Variants in CLNK observed in about 807,000 individuals in gnomAD.
CLNK encodes cytokine-dependent hematopoietic cell linker.
CLNK carries 74 observed loss-of-function variants against 68.6 expected under a neutral mutation model. The ratio of observed to expected loss-of-function variants is 1.08; its 90% CI spans 0.89 to 1.31. The LOEUF is 1.31. Ranked by LOEUF, CLNK falls within the 50% of genes most tolerant of loss-of-function variation. CLNK has a pLI of 0.00. For missense variants in CLNK, 553 were observed against 515.3 expected, an observed-to-expected ratio of 1.07 and a Z score of -0.71; for synonymous variants, 198 against 172.2, an observed-to-expected ratio of 1.15 and a Z score of -1.17.
At chr4:10,553,642 C>T (rs1719553086) in intron 8 of CLNK, among the ~76,000 whole-genome samples, 1 of 152,010 alleles carries the variant, frequency 6.6e-6, no homozygotes, top group South Asian at 2.1e-4. Context: ...TTAGTAGAGA[C>T]AGGGTGTCAC....
the CLNK span, among the ~76,000 whole-genome samples, chr4:10,712,359 A>G: frequency 2.0e-5 from 3 of 151,416 alleles, no homozygotes; most frequent in African/African-American, 7.4e-5. Flanking sequence ...AAAGATTATA[A>G]CAATAACAAT....
In CLNK at chr4:10,648,188, C is replaced by T. The variant is rs143050210; in HGVS notation, c.11+19671G>A. On this transcript the variant is annotated intron_variant, in intron 2 of 18. Coordinates refer to ENST00000226951, the MANE Select transcript of CLNK (RefSeq NM_052964.4). ...TAATGAGATACCTCATATTTATAGT[C>T]CTTTTGAAGTGATTAAGACCTTTCC... Among the ~76,000 whole-genome samples, 525 of 152,260 alleles carry T rather than the reference C, an allele frequency of 3.4e-3. 1 individual carries two copies. Among genetic ancestry groups the T allele is most frequent in the Non-Finnish European group, 5.2e-3 (356 of 68,010 alleles).
chr4:10,567,634 G>C (rs888298211), intron 5 of CLNK, among the ~76,000 whole-genome samples: 1 of 152,130 alleles, frequency 6.6e-6, no homozygotes, highest in Non-Finnish European at 1.5e-5. Context: ...AAAATAAAAA[G>C]GCAACTGTGG....
chr4:10,641,388 C>A (rs1245959021), intron 2 of CLNK, among the ~76,000 whole-genome samples: 1 of 152,108 alleles, frequency 6.6e-6, no homozygotes, highest in African/African-American at 2.4e-5. Flanking sequence ...ACTAAGGATG[C>A]AGAATGACTT....
chr4:10,495,870 G>T (rs1275266460), intron 18 of CLNK, among the ~76,000 whole-genome samples: 3 of 152,114 alleles, frequency 2.0e-5, no homozygotes, highest in Non-Finnish European at 4.4e-5. Context: ...TAGAGGCAGA[G>T]ACTGGAGCGA....
intron 7 of CLNK, among the ~76,000 whole-genome samples, chr4:10,562,480 A>G (rs949975810): frequency 1.3e-5 from 2 of 152,114 alleles, no homozygotes; most frequent in Non-Finnish European, 2.9e-5. Flanking sequence ...ATCTCGGCTC[A>G]CTGCAACCTC....
intron 8 of CLNK, among the ~76,000 whole-genome samples, chr4:10,551,735 G>A (rs1314116135): frequency 6.6e-6 from 1 of 152,144 alleles, no homozygotes; most frequent in Non-Finnish European, 1.5e-5. Flanking sequence ...CAGCCCTAGT[G>A]TTGAGCACAT....
chr4:10,685,896 G>T (rs1007648573), upstream of CLNK, among the ~76,000 whole-genome samples: 3 of 152,178 alleles, frequency 2.0e-5, no homozygotes, highest in East Asian at 1.9e-4. Flanking sequence ...TGCATTAGGG[G>T]CTTAAAGCAG....
the CLNK span, among the ~76,000 whole-genome samples, chr4:10,705,537 TC>T: frequency 6.6e-6 from 1 of 152,192 alleles, no homozygotes; most frequent in African/African-American, 2.4e-5. Flanking sequence ...CTGCCCTTGT[TC>T]CTGGGCTCAT....
intron 3 of CLNK, among the ~76,000 whole-genome samples, chr4:10,587,202 G>C (rs111593529): frequency 5.9e-5 from 9 of 152,036 alleles, no homozygotes; most frequent in Admixed American, 5.9e-4. Context: ...CTGACCTCAG[G>C]TGATCCACCC....
At chr4:10,705,572 C>A in the CLNK span, among the ~76,000 whole-genome samples, 1 of 152,266 alleles carries the variant, frequency 6.6e-6, no homozygotes, top group East Asian at 1.9e-4. Context: ...ATCTTCAAAT[C>A]CCACAGTGTT....
chr4:10,731,627 G>C, the CLNK span, among the ~76,000 whole-genome samples: 1 of 152,178 alleles, frequency 6.6e-6, no homozygotes, highest in Non-Finnish European at 1.5e-5. Context: ...CTAACAATTT[G>C]AGTTTGATAT....
rs1281310929 is a variant in CLNK, at chr4:10,684,763, AGTAAG to A, written c.-143_-139del. ...CAGAGACCTTGGGGCACTGGAAATT[AGTAAG>A]GCGGTGGGTTGAATTCTTCTCGATG... is the stretch of plus-strand genomic sequence containing the variant. On this transcript the variant is annotated 5_prime_UTR_variant, in exon 1 of 19. Transcript: ENST00000226951. 2 of 152,200 alleles carry A rather than the reference AGTAAG, an allele frequency of 1.3e-5. No homozygotes were observed. Among genetic ancestry groups the A allele is most frequent in the East Asian group, 3.9e-4 (2 of 5,172 alleles). The allele number at this position is 152,200 out of a possible 1,614,324, so 9.4% of individuals were successfully genotyped here. A position where few individuals can be genotyped will look rare whatever the true frequency, so the allele number is the denominator to read the frequency against.
At chr4:10,590,110 A>G (rs933462747) in intron 3 of CLNK, among the ~76,000 whole-genome samples, 2 of 152,224 alleles carry the variant, frequency 1.3e-5, no homozygotes, top group African/African-American at 4.8e-5. Context: ...AAGAAAGTGC[A>G]TGGCACAGGA....
chr4:10,592,025 G>A (rs971055744), intron 3 of CLNK, among the ~76,000 whole-genome samples: 1 of 152,194 alleles, frequency 6.6e-6, no homozygotes, highest in Non-Finnish European at 1.5e-5. Context: ...GCCGAGTGAG[G>A]CTCCCACCTC....
intron 2 of CLNK, among the ~76,000 whole-genome samples, chr4:10,643,267 C>A (rs1433225629): frequency 2.0e-5 from 3 of 152,234 alleles, no homozygotes; most frequent in Non-Finnish European, 4.4e-5. Context: ...ATACCATCTT[C>A]AGTTTCTGTT....
chr4:10,606,330 CA>C (rs1359185814), intron 2 of CLNK, among the ~76,000 whole-genome samples: 3 of 152,278 alleles, frequency 2.0e-5, no homozygotes, highest in South Asian at 4.2e-4. Flanking sequence ...GGAAGGTCGT[CA>C]GGGGCAATGA....
At chr4:10,602,542 T>A (rs2720373) in intron 2 of CLNK, among the ~76,000 whole-genome samples, 37,338 of 152,106 alleles carry the variant, frequency 0.25, 5,345 homozygotes, top group Non-Finnish European at 0.33. Flanking sequence ...CACTAAACGC[T>A]GGAAGAGGCA....
chr4:10,512,197 G>A (rs760992598), intron 16 of CLNK, among the ~76,000 whole-genome samples: 4 of 151,872 alleles, frequency 2.6e-5, no homozygotes, highest in Non-Finnish European at 5.9e-5. Context: ...AAAGGAAGCC[G>A]AGTGCATGAC....
Sources: allele counts gnomAD v4.1 joint callset (sites outside exome capture counted in the v4.1 genomes callset), GRCh38; gene constraint gnomAD v4.1.1; transcripts MANE v1.5; gene names NCBI Gene and HGNC (gene_info 2026-07-23, HGNC 2026-07-21).